MARCHF2: variants seen among roughly 807,000 people sequenced by gnomAD.
The protein encoded by MARCHF2 is E3 ubiquitin-protein ligase MARCHF2.
In MARCHF2, 22 loss-of-function variants were observed where a neutral mutation model predicts 24.0. The observed-to-expected ratio is 0.92, with a 90% CI of 0.66 to 1.31. The LOEUF (loss-of-function observed/expected upper bound fraction) is 1.31. Ranked by LOEUF, MARCHF2 falls within the 50% of genes most tolerant of loss-of-function variation. The probability of loss-of-function intolerance (pLI) is 0.00; values close to 1 mark genes in which losing one functional copy is unlikely to be tolerated. For missense variants in MARCHF2, 301 were observed against 335.3 expected (o/e 0.90, Z 0.80); for synonymous variants, 154 against 153.0 (o/e 1.01, Z -0.05).
rs972691198 is a variant in MARCHF2, at chr19:8,430,249, G to A, written c.373-409G>A. Among the ~76,000 whole-genome samples, 9 of 152,162 alleles carry A rather than the reference G, an allele frequency of 5.9e-5. No homozygotes were observed. Among genetic ancestry groups the A allele is most frequent in the Non-Finnish European group, 1.2e-4 (8 of 68,034 alleles). Reference sequence around the variant, plus strand: ...ATGGTGGCGCTTGCCTATAATCCCAGCTACTCGGGAGGCTGAGGTGGGAGA... The same window carrying A: ...ATGGTGGCGCTTGCCTATAATCCCAACTACTCGGGAGGCTGAGGTGGGAGA... On this transcript the variant is annotated intron_variant, in intron 3 of 4. Coordinates refer to ENST00000215555, the MANE Select transcript of MARCHF2 (RefSeq NM_001005415.2). This position sits in a 1 kb window ranked among gnomAD's most constrained non-coding sequence, Gnocchi z 4.4.
chr19:8,421,354 CTTTT>C (rs796281979), intron 1 of MARCHF2, among the ~76,000 whole-genome samples: 1 of 100,568 alleles, frequency 9.9e-6, no homozygotes, highest in Non-Finnish European at 2.2e-5. Context: ...CCTAGCTTTT[CTTTT>C]TTTTTTACTT....
chr19:8,430,553 G>T lies in MARCHF2; in HGVS notation c.373-105G>T. 1.8e-5 allele frequency: 14 copies of T among 787,084 alleles called. No individual in the cohort carries two copies. The highest frequency in any genetic ancestry group is 2.6e-5 in the Non-Finnish European group (13 of 496,252). The allele number at this position is 787,084 out of a possible 1,614,324, so 48.8% of individuals were successfully genotyped here. Reference sequence around the variant, plus strand: ...CTGTCTCAAAAAAAAAAAAAAGAAAGAAGGAAAGGACAGAGGGAGGCCTAG... The same window carrying T: ...CTGTCTCAAAAAAAAAAAAAAGAAATAAGGAAAGGACAGAGGGAGGCCTAG... On this transcript the variant is annotated intron_variant, in intron 3 of 4. Transcript: ENST00000215555. This position sits in a 1 kb window ranked among gnomAD's most constrained non-coding sequence, Gnocchi z 4.4.
chr19:8,430,427 C>A lies in MARCHF2; in HGVS notation c.373-231C>A, dbSNP rs556128681. 2.0e-5 allele frequency among the ~76,000 whole-genome samples: 3 copies of A among 151,966 alleles called. No individual in the cohort carries two copies. The highest frequency in any genetic ancestry group is 2.9e-5 in the Non-Finnish European group (2 of 67,986). On this transcript the variant is annotated intron_variant, in intron 3 of 4. Coordinates refer to ENST00000215555, the MANE Select transcript of MARCHF2 (RefSeq NM_001005415.2). The surrounding 1 kb of genome is among the most constrained non-coding windows in gnomAD (Gnocchi z 4.4). Reference sequence around the variant, plus strand: ...GCGCTTGCCTGTAATCCCAGCTACTCCGGTGGCTGAGACAGGAGAATTGCT... The same window carrying A: ...GCGCTTGCCTGTAATCCCAGCTACTACGGTGGCTGAGACAGGAGAATTGCT...
intron 1 of MARCHF2, among the ~76,000 whole-genome samples, chr19:8,415,858 G>T (rs562567937): frequency 2.3e-4 from 35 of 151,928 alleles, no homozygotes; most frequent in African/African-American, 8.4e-4. Flanking sequence ...AGCTGAGTCC[G>T]ACTTGCAGTC....
chr19:8,428,419 C>T (rs1036497792), intron 3 of MARCHF2, among the ~76,000 whole-genome samples: 9 of 151,470 alleles, frequency 5.9e-5, no homozygotes, highest in East Asian at 3.9e-4. Flanking sequence ...ACCCGGGAGG[C>T]GGAGGTTGCA....
chr19:8,435,828 CTGTGTGTGTGTGTGTGTGTGTGTG>C (rs35027764), intron 4 of MARCHF2, among the ~76,000 whole-genome samples: 1 of 141,068 alleles, frequency 7.1e-6, no homozygotes, highest in Non-Finnish European at 1.5e-5. Flanking sequence ...TGCACCTGGC[CTGTGTGTGTGTGTGTGTGTGTGTG>C]TGTGTGTGTG....
At chr19:8,424,259 C>T (rs2145550666) in intron 2 of MARCHF2, among the ~76,000 whole-genome samples, 1 of 152,194 alleles carries the variant, frequency 6.6e-6, no homozygotes, top group African/African-American at 2.4e-5. Context: ...TCTATTTCCC[C>T]CTCACAAGGG....
At chr19:8,435,335 T>C (rs1967687243) in intron 4 of MARCHF2, among the ~76,000 whole-genome samples, 1 of 151,744 alleles carries the variant, frequency 6.6e-6, no homozygotes, top group Non-Finnish European at 1.5e-5. Context: ...AATTTTTTTA[T>C]AGACTAATTT....
intron 4 of MARCHF2, among the ~76,000 whole-genome samples, chr19:8,433,901 T>TAA (rs2145569731): frequency 7.5e-6 from 1 of 132,564 alleles, no homozygotes; most frequent in African/African-American, 3.8e-5. Context: ...AAAGCCTGAA[T>TAA]GAGAGACAGA....
At chr19:8,414,247 A>G (rs184341760) in intron 1 of MARCHF2, among the ~76,000 whole-genome samples, 2 of 152,088 alleles carry the variant, frequency 1.3e-5, no homozygotes, top group East Asian at 1.9e-4. Flanking sequence ...TTACTAATTT[A>G]TGAACTACAT....
intron 1 of MARCHF2, among the ~76,000 whole-genome samples, chr19:8,415,154 T>C (rs532096941): frequency 1.2e-4 from 18 of 152,052 alleles, no homozygotes; most frequent in Non-Finnish European, 2.4e-4. Context: ...ATCCCAACAC[T>C]TTGAGAGGCC....
At position 8,430,929 on chromosome 19, in the gene MARCHF2, A is replaced by T; in HGVS notation, c.582+62A>T. ...TCTGCCGCTGGGAGCAGCAGGGCCA[A>T]GGATTTGGCCCCTGGCTTGTGGGGC... On this transcript the variant is annotated intron_variant, in intron 4 of 4. Coordinates refer to ENST00000215555, the MANE Select transcript of MARCHF2 (RefSeq NM_001005415.2). This position sits in a 1 kb window ranked among gnomAD's most constrained non-coding sequence, Gnocchi z 4.4. The T allele has an allele frequency of 6.7e-7, 1 of 1,495,662 alleles. No homozygotes were observed. The highest frequency in any genetic ancestry group is 1.2e-5 in the South Asian group (1 of 80,380). The allele number at this position is 1,495,662 out of a possible 1,614,324, so 92.6% of individuals were successfully genotyped here. A position where few individuals can be genotyped will look rare whatever the true frequency, so the allele number is the denominator to read the frequency against.
intron 1 of MARCHF2, chr19:8,413,758 C>T (rs1391998713): frequency 6.6e-6 from 1 of 152,256 alleles, no homozygotes; most frequent in African/African-American, 2.4e-5. Flanking sequence ...ATGCCCTTCC[C>T]CAACCTCCTT....
Position 8,430,646 on chromosome 19 carries a change from T to G in MARCHF2, c.373-12T>G. 6.2e-7 allele frequency: 1 copy of G among 1,603,176 alleles called. No individual in the cohort carries two copies. Among genetic ancestry groups the G allele is most frequent in the Non-Finnish European group, 8.5e-7 (1 of 1,178,418 alleles). ...GCCCCCTCTCCTCTGCCCCCTATCC[T>G]CTCCCCTGCAGTGGCTGAAGGACCC... On this transcript the variant is annotated splice_polypyrimidine_tract_variant and intron_variant, in intron 3 of 4. Coordinates refer to ENST00000215555, the MANE Select transcript of MARCHF2 (RefSeq NM_001005415.2). The surrounding 1 kb of genome is among the most constrained non-coding windows in gnomAD (Gnocchi z 4.4).
At chr19:8,417,826 G>T (rs796490732) in intron 1 of MARCHF2, among the ~76,000 whole-genome samples, 25 of 122,394 alleles carry the variant, frequency 2.0e-4, no homozygotes, top group Non-Finnish European at 2.4e-4. Context: ...GCAATGGTGC[G>T]ATCTCGGCTC....
At chr19:8,421,374 TTTC>T (rs959476231) in intron 1 of MARCHF2, among the ~76,000 whole-genome samples, 5 of 137,398 alleles carry the variant, frequency 3.6e-5, no homozygotes, top group African/African-American at 5.2e-5. Context: ...TACTTTTTTC[TTTC>T]TTTTCTTTTT....
intron 2 of MARCHF2, among the ~76,000 whole-genome samples, chr19:8,422,523 G>A (rs1324054213): frequency 6.6e-6 from 1 of 150,500 alleles, no homozygotes; most frequent in Non-Finnish European, 1.5e-5. Context: ...CACCCGAGTA[G>A]CTGGGATTAC....
In MARCHF2 at chr19:8,428,590, C is replaced by T. The variant is rs545862724; in HGVS notation, c.372+1786C>T. Among the ~76,000 whole-genome samples the T allele has an allele frequency of 2.0e-4, 25 of 126,842 alleles. No individual in the cohort carries two copies. The South Asian group carries it at 6.7e-3, about 34-fold the overall frequency. The allele number at this position is 126,842 out of a possible 152,430, so 83.2% of individuals were successfully genotyped here. ...ACTTAAAGCTGGGAGGCGGAGTTTGCAGTGAGTTGAGATAGCGCCACTGCA... is the reference window on the plus strand; with the variant it reads ...ACTTAAAGCTGGGAGGCGGAGTTTGTAGTGAGTTGAGATAGCGCCACTGCA... On this transcript the variant is annotated intron_variant, in intron 3 of 4. Coordinates refer to ENST00000215555, the MANE Select transcript of MARCHF2 (RefSeq NM_001005415.2).
intron 4 of MARCHF2, among the ~76,000 whole-genome samples, chr19:8,431,617 A>G (rs894751797): frequency 1.2e-4 from 18 of 151,908 alleles, no homozygotes; most frequent in African/African-American, 4.1e-4. Flanking sequence ...CAGGTGGATC[A>G]TCTGAGCCCA....
Sources: gnomAD v4.1 joint callset for allele counts (sites outside exome capture counted in the v4.1 genomes callset) on GRCh38, gnomAD v4.1.1 for gene constraint, Gnocchi (gnomAD v3.1) non-coding constraint, MANE v1.5 for transcripts, NCBI Gene and HGNC (gene_info 2026-07-23, HGNC 2026-07-21) for gene names.